Variants in PIK3R6 observed in about 807,000 individuals in gnomAD.
PIK3R6 encodes phosphoinositide-3-kinase regulatory subunit 6.
PIK3R6 carries 91 observed loss-of-function variants against 84.9 expected under a neutral mutation model. That is an observed-to-expected ratio of 1.07 (90% CI 0.90 to 1.28). The LOEUF (loss-of-function observed/expected upper bound fraction) is 1.28, where lower values mean the gene tolerates loss of function less well. PIK3R6 is among the 50% of genes most tolerant of loss of function. PIK3R6 has a pLI of 0.00. For missense variants in PIK3R6, 996 were observed against 985.1 expected (o/e 1.01, Z -0.15); for synonymous variants, 416 against 411.4 (o/e 1.01, Z -0.13).
At chr17:8,866,295 T>C (rs1419184223) in intron 1 of PIK3R6, among the ~76,000 whole-genome samples, 1 of 152,124 alleles carries the variant, frequency 6.6e-6, no homozygotes, top group Non-Finnish European at 1.5e-5. Context: ...CCCAGCACTA[T>C]GGGAGGCCGA....
At position 8,844,884 on chromosome 17, in the gene PIK3R6, C is replaced by G. The variant is rs2088780234; in HGVS notation, c.13+4898G>C. Among the ~76,000 whole-genome samples, 2 of 152,050 alleles carry G rather than the reference C, an allele frequency of 1.3e-5. No homozygotes were observed. The highest frequency in any genetic ancestry group is 4.1e-4 in the South Asian group (2 of 4,820). Reference sequence around the variant, plus strand: ...TTGCCATCTTTGTGTCCATGAGTACCCAAAGTTTAGCTCCCACCTATAAGT... The same window carrying G: ...TTGCCATCTTTGTGTCCATGAGTACGCAAAGTTTAGCTCCCACCTATAAGT... On this transcript the variant is annotated intron_variant, in intron 2 of 19. Transcript: ENST00000619866. The surrounding 1 kb of genome is among the most constrained non-coding windows in gnomAD (Gnocchi z 4.5).
chr17:8,817,642 A>G (rs1023059941), intron 18 of PIK3R6, among the ~76,000 whole-genome samples: 2 of 140,932 alleles, frequency 1.4e-5, no homozygotes, highest in African/African-American at 3.2e-5. Context: ...CTCCGTCTCG[A>G]AAAAAAACAA....
At chr17:8,831,345 A>C (rs2151249075) in intron 9 of PIK3R6, among the ~76,000 whole-genome samples, 1 of 149,248 alleles carries the variant, frequency 6.7e-6, no homozygotes, top group East Asian at 2.0e-4. Flanking sequence ...AAAAAAAAAA[A>C]AAAAAAAAAG....
At position 8,852,108 on chromosome 17, in the gene PIK3R6, G is replaced by A. The variant is rs58585024; in HGVS notation, c.-91-2223C>T. 3.0e-3 allele frequency among the ~76,000 whole-genome samples: 463 copies of A among 152,314 alleles called. 11 individuals carry two copies. In the East Asian group the frequency reaches 0.048, roughly 16 times the overall value. On this transcript the variant is annotated intron_variant, in intron 1 of 19. Transcript: ENST00000619866. ...GGCAGAGACAGCAAGTATGACAGAG[G>A]TTACCAGGGACTGGGGAAGGGATGA...
At chr17:8,804,678 C>T (rs1490291398) in intron 18 of PIK3R6, among the ~76,000 whole-genome samples, 1 of 152,160 alleles carries the variant, frequency 6.6e-6, no homozygotes, top group African/African-American at 2.4e-5. Flanking sequence ...CCTTATAACT[C>T]CTGACCTGAG....
chr17:8,836,501 A>G, intron 7 of PIK3R6, 46 bp downstream of exon 7: 1 of 1,601,754 alleles, frequency 6.2e-7, no homozygotes, highest in Non-Finnish European at 8.6e-7. Flanking sequence ...TAAAGCCACA[A>G]CAGTTTTAGG....
intron 18 of PIK3R6, among the ~76,000 whole-genome samples, chr17:8,813,834 C>T (rs1456739048): frequency 7.9e-5 from 12 of 152,148 alleles, no homozygotes; most frequent in Non-Finnish European, 1.6e-4. Context: ...AGCATTACCT[C>T]TAAGAACTGG....
chr17:8,822,543 C>G (rs778802305), intron 16 of PIK3R6, 44 bp downstream of exon 16: 4 of 1,598,130 alleles, frequency 2.5e-6, no homozygotes, highest in Non-Finnish European at 3.4e-6. Flanking sequence ...CTCCCTCCAG[C>G]TGTACCTCTT....
chr17:8,829,191 A>G (rs1427170871), intron 10 of PIK3R6, among the ~76,000 whole-genome samples: 2 of 129,316 alleles, frequency 1.5e-5, no homozygotes, highest in Middle Eastern at 3.6e-3. Flanking sequence ...ACAGACAGAC[A>G]TACACACACG....
Position 8,816,258 on chromosome 17 carries a change from A to G in PIK3R6, c.1995+2825T>C, listed in dbSNP as rs2087536813. Among the ~76,000 whole-genome samples, 4 of 152,248 alleles carry G rather than the reference A, an allele frequency of 2.6e-5. No individual in the cohort carries two copies. In the South Asian group the frequency reaches 8.3e-4, roughly 32 times the overall value. On this transcript the variant is annotated intron_variant, in intron 18 of 19. Transcript: ENST00000619866. ...CACAAGGAAGGAACAGCATACTACT[A>G]TTAAACAGGCATGCCATTTTCATTG...
chr17:8,818,157 G>A (rs1022117773), intron 18 of PIK3R6, among the ~76,000 whole-genome samples: 1 of 152,168 alleles, frequency 6.6e-6, no homozygotes, highest in Non-Finnish European at 1.5e-5. Context: ...AGAAGCACTT[G>A]GCCACCTGGG....
At position 8,821,947 on chromosome 17, in the gene PIK3R6, G is replaced by C; in HGVS notation, c.1789-11C>G. The C allele has an allele frequency of 6.4e-7, 1 of 1,564,632 alleles. No homozygotes were observed. The highest frequency in any genetic ancestry group is 8.7e-7 in the Non-Finnish European group (1 of 1,152,842). The stretch of plus-strand genomic sequence containing the variant: ...GTGGCTAAGCAAGGCCTGAGGAGGG[G>C]GATCGAGGAACAGGTGGAGGTGCTC... On this transcript the variant is annotated splice_polypyrimidine_tract_variant and intron_variant, in intron 16 of 19. Coordinates refer to ENST00000619866, the MANE Select transcript of PIK3R6 (RefSeq NM_001010855.4).
At chr17:8,843,184 C>A (rs1001506483) in intron 2 of PIK3R6, among the ~76,000 whole-genome samples, 4 of 152,228 alleles carry the variant, frequency 2.6e-5, no homozygotes, top group African/African-American at 9.6e-5. Flanking sequence ...TTTCCTCCGT[C>A]TATGCATTTC....
chr17:8,836,418 A>T, intron 7 of PIK3R6, 129 bp downstream of exon 7: 1 of 955,984 alleles, frequency 1.0e-6, no homozygotes, highest in Non-Finnish European at 1.6e-6. Flanking sequence ...GACAAATATC[A>T]TGGCTGGGGA....
chr17:8,805,713 C>T (rs1011674974), intron 18 of PIK3R6, among the ~76,000 whole-genome samples: 19 of 152,110 alleles, frequency 1.2e-4, no homozygotes, highest in East Asian at 1.9e-4. Flanking sequence ...GTCAGGAGTT[C>T]GAGATCAGCC....
At chr17:8,823,548 GGAGATGCCATTTTCTTCAGAGA>G (rs2087816222) in intron 13 of PIK3R6, 51 bp from the exon 14 acceptor site, 1 of 1,283,478 alleles carries the variant, frequency 7.8e-7, no homozygotes, top group African/African-American at 1.5e-5. Flanking sequence ...GGCCACTGTG[GGAGATGCCATTTTCTTCAGAGA>G]GAAACTTCAA....
intron 9 of PIK3R6, among the ~76,000 whole-genome samples, chr17:8,830,588 T>A (rs576188842): frequency 1.3e-4 from 20 of 152,356 alleles, no homozygotes; most frequent in African/African-American, 4.6e-4. Flanking sequence ...GCACACACTG[T>A]AATCATTTCT....
Position 8,839,826 on chromosome 17 carries a change from G to C in PIK3R6, c.14-129C>G. ...GGAGGTGCCCGAAGTAATCGACTTAGAGCTGGCAGCCAGCATGCCAGCCAG... is the reference window on the plus strand; with the variant it reads ...GGAGGTGCCCGAAGTAATCGACTTACAGCTGGCAGCCAGCATGCCAGCCAG... On this transcript the variant is annotated intron_variant, in intron 2 of 19. Transcript: ENST00000619866. The surrounding 1 kb of genome is among the most constrained non-coding windows in gnomAD (Gnocchi z 4.2). The C allele has an allele frequency of 1.4e-6, 1 of 699,854 alleles. No homozygotes were observed. The highest frequency in any genetic ancestry group is 2.3e-6 in the Non-Finnish European group (1 of 435,398). The allele number at this position is 699,854 out of a possible 1,614,324, so 43.4% of individuals were successfully genotyped here.
chr17:8,832,806 C>A (rs960795178), intron 9 of PIK3R6, 83 bp downstream of exon 9: 10 of 1,588,358 alleles, frequency 6.3e-6, no homozygotes, highest in African/African-American at 5.4e-5. Context: ...GCAGGTCCAG[C>A]GCTGCTCTCT....
Sources: gnomAD v4.1 joint callset for allele counts (sites outside exome capture counted in the v4.1 genomes callset) on GRCh38, gnomAD v4.1.1 for gene constraint, Gnocchi (gnomAD v3.1) non-coding constraint, MANE v1.5 for transcripts, NCBI Gene and HGNC (gene_info 2026-07-23, HGNC 2026-07-21) for gene names.